Variants in NEK1 observed in about 807,000 individuals in gnomAD.
NEK1 encodes the protein NIMA related kinase 1.
A neutral mutation model predicts 182.1 loss-of-function variants in NEK1; 137 were observed. The ratio of observed to expected loss-of-function variants is 0.75; its 90% CI spans 0.65 to 0.87. The LOEUF (loss-of-function observed/expected upper bound fraction) is 0.87, where lower values mean the gene tolerates loss of function less well. Ranked by LOEUF, NEK1 falls within the 40% of genes least tolerant of loss-of-function variation. The pLI is 0.00. For synonymous variants in NEK1, 513 were observed against 492.2 expected (o/e 1.04, Z -0.56); for missense variants, 1,391 against 1,494.4 (o/e 0.93, Z 1.14).
intron 5 of NEK1, among the ~76,000 whole-genome samples, chr4:169,592,171 A>G (rs1768632825): frequency 6.6e-6 from 1 of 152,198 alleles, no homozygotes; most frequent in Admixed American, 6.5e-5. Context: ...CATTTGTCAA[A>G]ATATGTGAAA....
intron 29 of NEK1, among the ~76,000 whole-genome samples, chr4:169,427,475 C>A (rs1443835851): frequency 2.0e-5 from 3 of 150,564 alleles, no homozygotes; most frequent in Non-Finnish European, 3.0e-5. Flanking sequence ...AGATTTTCAA[C>A]CATTTTCTGC....
chr4:169,493,327 T>C (rs941534783), intron 23 of NEK1, among the ~76,000 whole-genome samples: 1 of 152,084 alleles, frequency 6.6e-6, no homozygotes, highest in Non-Finnish European at 1.5e-5. Context: ...AAAAAAAGAA[T>C]TGTCAGCTCA....
intron 5 of NEK1, 54 bp downstream of exon 5, chr4:169,599,046 T>C (rs998392117): frequency 7.3e-7 from 1 of 1,376,458 alleles, no homozygotes; most frequent in African/African-American, 1.4e-5. Flanking sequence ...TAAACAAATT[T>C]TGAACTACTT....
At chr4:169,563,663 C>T (rs1354393749) in intron 12 of NEK1, among the ~76,000 whole-genome samples, 1 of 152,136 alleles carries the variant, frequency 6.6e-6, no homozygotes, top group Non-Finnish European at 1.5e-5. Flanking sequence ...CTGTCTTGTT[C>T]CTGACTTTAA....
chr4:169,490,772 A>G (rs1478115429), intron 23 of NEK1, among the ~76,000 whole-genome samples: 1 of 152,028 alleles, frequency 6.6e-6, no homozygotes, highest in African/African-American at 2.4e-5. Context: ...TTGCCCAGAT[A>G]GAGAAAAAGT....
chr4:169,559,346 T>C (rs1255445740), intron 16 of NEK1, among the ~76,000 whole-genome samples: 3 of 152,204 alleles, frequency 2.0e-5, no homozygotes, highest in Non-Finnish European at 2.9e-5. Flanking sequence ...GTGAGGTTAG[T>C]TATTTTAGAA....
intron 18 of NEK1, among the ~76,000 whole-genome samples, chr4:169,550,805 G>A (rs576898871): frequency 7.9e-5 from 12 of 152,166 alleles, no homozygotes; most frequent in Admixed American, 1.3e-4. Flanking sequence ...AAAGCACATC[G>A]CTGCCTTTTG....
chr4:169,419,159 TA>T (rs1735034997), intron 31 of NEK1, among the ~76,000 whole-genome samples: 1 of 151,900 alleles, frequency 6.6e-6, no homozygotes, highest in Non-Finnish European at 1.5e-5. Context: ...AAACCAGTGA[TA>T]AAAAGGAAAC....
chr4:169,433,590 A>G lies in NEK1; in HGVS notation c.2840T>C (p.Ile947Thr). ...TNKDESLPCT[I>T]TDVWISEEKE... ...TTCCTCACTAATCCACACATCAGTAATAGTGCATGGCAAGCTCTCATCTTT... is the reference window on the plus strand; with the variant it reads ...TTCCTCACTAATCCACACATCAGTAGTAGTGCATGGCAAGCTCTCATCTTT... Residue 947 changes from isoleucine to threonine, a missense_variant, in exon 29 of 36, where the codon ATT (isoleucine) becomes ACT (threonine). Ile to Thr is a moderately conservative substitution (Grantham distance 89). Transcript: ENST00000507142. The G allele has an allele frequency of 6.2e-7, 1 of 1,613,414 alleles. No homozygotes were observed. Among genetic ancestry groups the G allele is most frequent in the Non-Finnish European group, 8.5e-7 (1 of 1,179,512 alleles).
chr4:169,559,563 G>A (rs926624239), intron 16 of NEK1, among the ~76,000 whole-genome samples: 3 of 152,142 alleles, frequency 2.0e-5, no homozygotes, highest in African/African-American at 7.2e-5. Context: ...AGGGCAGAAT[G>A]TATATGTCTA....
At position 169,507,108 on chromosome 4, in the gene NEK1, C is replaced by T. The variant is rs202231017; in HGVS notation, c.1936G>A (p.Val646Ile). The T allele has an allele frequency of 7.5e-6, 12 of 1,603,078 alleles. No individual in the cohort carries two copies. The highest frequency in any genetic ancestry group is 9.4e-6 in the Non-Finnish European group (11 of 1,175,402). ...LKAHANARAA[V>I]LKEQLERKRK... ...TTTCGTTCTAGTTGTTCTTTTAGTA[C>T]AGCAGCACGTGCATTTGCATGGGCC... is the stretch of plus-strand genomic sequence containing the variant. The change falls in exon 23 of 36, where the codon GTA becomes ATA. Residue 646 changes from valine to isoleucine, a missense_variant. Coordinates refer to ENST00000507142, the MANE Select transcript of NEK1 (RefSeq NM_001199397.3).
At chr4:169,508,099 T>G in intron 21 of NEK1, 149 bp downstream of exon 21, 1 of 697,884 alleles carries the variant, frequency 1.4e-6, no homozygotes, top group Non-Finnish European at 2.3e-6. Flanking sequence ...ATATAAGATT[T>G]ACTTTATGTG....
chr4:169,433,610 A>G lies in NEK1; in HGVS notation c.2820T>C (p.Asp940=). 6.2e-7 allele frequency: 1 copy of G among 1,613,290 alleles called. No individual in the cohort carries two copies. Among genetic ancestry groups the G allele is most frequent in the Non-Finnish European group, 8.5e-7 (1 of 1,179,434 alleles). ...CAGTAATAGTGCATGGCAAGCTCTC[A>G]TCTTTGTTTGTTCCACTTGGCTCTT... ...ILQEPSGTNK[D]ESLPCTITDV... is the part of the protein sequence containing the mutation. Residue 940 remains aspartate, a synonymous_variant, in exon 29 of 36, where the codon GAT becomes GAC. Transcript: ENST00000507142.
chr4:169,410,760 A>AT (rs1330030373), intron 31 of NEK1, among the ~76,000 whole-genome samples: 4 of 152,320 alleles, frequency 2.6e-5, no homozygotes, highest in African/African-American at 7.2e-5. Flanking sequence ...TACATTCATC[A>AT]TTTTTTGCCA....
rs1049717968 is a variant in NEK1 at position 169,457,501 on chromosome 4, C to A, written c.2587+5742G>T. Among the ~76,000 whole-genome samples, 4 of 151,098 alleles carry A rather than the reference C, an allele frequency of 2.6e-5. No homozygotes were observed. In the Admixed American group the frequency reaches 2.7e-4, roughly 10 times the overall value. On this transcript the variant is annotated intron_variant, in intron 27 of 35. Transcript: ENST00000507142. ...GGTATGGTGGCACATGCCTATAATC[C>A]CAGCCCTTTGGAGGCTGAGGCAGGC...
intron 29 of NEK1, among the ~76,000 whole-genome samples, chr4:169,426,559 G>T (rs1736423958): frequency 6.6e-6 from 1 of 152,178 alleles, no homozygotes; most frequent in Non-Finnish European, 1.5e-5. Context: ...CTTGACCTGT[G>T]AATCAGAAAC....
intron 27 of NEK1, among the ~76,000 whole-genome samples, chr4:169,455,223 T>C (rs1742625565): frequency 6.6e-6 from 1 of 151,892 alleles, no homozygotes; most frequent in Non-Finnish European, 1.5e-5. Context: ...AAATACCTAA[T>C]GTAAATGATG....
In NEK1 at chr4:169,490,985, T is replaced by C. The variant is rs567408938; in HGVS notation, c.2008-11451A>G. Among the ~76,000 whole-genome samples, 53 of 151,530 alleles carry C rather than the reference T, an allele frequency of 3.5e-4. 1 individual carries two copies. In the South Asian group the frequency reaches 8.2e-3, roughly 23 times the overall value. Reference sequence around the variant, plus strand: ...GGTGAAGCCCTGTCTCTACTAAAAATACAAAAAATTAGCCAGGTGTGGTGG... The same window carrying C: ...GGTGAAGCCCTGTCTCTACTAAAAACACAAAAAATTAGCCAGGTGTGGTGG... On this transcript the variant is annotated intron_variant, in intron 23 of 35. Transcript: ENST00000507142.
chr4:169,453,324 TATGGAA>T (rs1742201416), intron 27 of NEK1, among the ~76,000 whole-genome samples: 4 of 152,204 alleles, frequency 2.6e-5, no homozygotes, highest in Non-Finnish European at 5.9e-5. Context: ...TTAAAGTTCA[TATGGAA>T]CCAAAAAAGA....
Sources: allele counts gnomAD v4.1 joint callset (sites outside exome capture counted in the v4.1 genomes callset), GRCh38; gene constraint gnomAD v4.1.1; transcripts MANE v1.5; gene names NCBI Gene and HGNC (gene_info 2026-07-23, HGNC 2026-07-21).